EHD4: variants seen among roughly 807,000 people sequenced by gnomAD.
The protein encoded by EHD4 is EH domain-containing protein 4.
In EHD4, 37 loss-of-function variants were observed where a neutral mutation model predicts 51.0. The observed-to-expected ratio is 0.73, with a 90% CI of 0.56 to 0.95. The LOEUF is 0.95. EHD4 is among the 40% of genes least tolerant of loss of function. EHD4 has a pLI of 0.00. For synonymous variants in EHD4, 297 were observed against 317.3 expected, an observed-to-expected ratio of 0.94 and a Z score of 0.68; for missense variants, 632 against 733.1, an observed-to-expected ratio of 0.86 and a Z score of 1.59.
intron 3 of EHD4, among the ~76,000 whole-genome samples, chr15:41,924,036 C>A (rs968588396): frequency 1.3e-5 from 2 of 152,168 alleles, no homozygotes; most frequent in Non-Finnish European, 2.9e-5. Context: ...CCTGTAAGAT[C>A]GGGTTGTTGA....
chr15:41,962,360 G>A (rs1007467883), intron 1 of EHD4, among the ~76,000 whole-genome samples: 1 of 152,096 alleles, frequency 6.6e-6, no homozygotes, highest in African/African-American at 2.4e-5. Context: ...TTATTAAAAA[G>A]TATTTCAAAG....
intron 2 of EHD4, among the ~76,000 whole-genome samples, chr15:41,945,057 G>A (rs1052548272): frequency 1.3e-5 from 2 of 152,120 alleles, no homozygotes; most frequent in African/African-American, 4.8e-5. Flanking sequence ...CAGGGCTCTG[G>A]GCACATCCGT....
At chr15:41,917,622 G>T (rs2140987801) in intron 4 of EHD4, among the ~76,000 whole-genome samples, 1 of 152,314 alleles carries the variant, frequency 6.6e-6, no homozygotes, top group East Asian at 1.9e-4. Context: ...TTGTTCAGTT[G>T]TACCTGCTGG....
intron 2 of EHD4, among the ~76,000 whole-genome samples, chr15:41,945,659 G>A (rs1281797370): frequency 6.6e-6 from 1 of 152,220 alleles, no homozygotes; most frequent in Non-Finnish European, 1.5e-5. Flanking sequence ...GTGGTGCCAC[G>A]CTCATGCTGC....
chr15:41,962,900 C>G (rs567344890), intron 1 of EHD4, among the ~76,000 whole-genome samples: 1 of 152,334 alleles, frequency 6.6e-6, no homozygotes, highest in African/African-American at 2.4e-5. Context: ...GTTACTGTGT[C>G]TGTGTAGAAA....
chr15:41,953,747 A>T lies in EHD4; in HGVS notation c.413+17T>A, dbSNP rs779763740. ...TTTAAACAGCCTGACCGAAGATGGC[A>T]GCTTGCTGGTCCTTACCGATTCAGG... On this transcript the variant is annotated intron_variant, in intron 2 of 5. Transcript: ENST00000220325. 7 of 1,574,870 alleles carry T rather than the reference A, an allele frequency of 4.4e-6. No individual in the cohort carries two copies. Among genetic ancestry groups the T allele is most frequent in the Non-Finnish European group, 6.0e-6 (7 of 1,163,902 alleles).
intron 5 of EHD4, among the ~76,000 whole-genome samples, chr15:41,903,580 A>C (rs757371628): frequency 2.0e-5 from 3 of 152,120 alleles, no homozygotes; most frequent in Non-Finnish European, 2.9e-5. Context: ...CAGTTACAGA[A>C]TATTGAACTT....
intron 5 of EHD4, among the ~76,000 whole-genome samples, chr15:41,904,387 G>A (rs985545671): frequency 6.6e-6 from 1 of 152,020 alleles, no homozygotes. Flanking sequence ...CGGGGACTGC[G>A]GGGGCACCAG....
At chr15:41,956,070 G>A (rs770201787) in intron 1 of EHD4, among the ~76,000 whole-genome samples, 6 of 152,186 alleles carry the variant, frequency 3.9e-5, no homozygotes, top group East Asian at 1.9e-4. Context: ...CACACAGTTC[G>A]CAATTCACGA....
chr15:41,917,006 C>T (rs1191266901), intron 4 of EHD4, among the ~76,000 whole-genome samples: 3 of 152,196 alleles, frequency 2.0e-5, no homozygotes, highest in Admixed American at 6.5e-5. Context: ...ACCCAGGCCG[C>T]GCTGGCCCGT....
chr15:41,938,037 G>A (rs142353167), intron 3 of EHD4, among the ~76,000 whole-genome samples: 1 of 152,158 alleles, frequency 6.6e-6, no homozygotes, highest in African/African-American at 2.4e-5. Flanking sequence ...TGGCCTAAAG[G>A]TAATTTTACA....
At chr15:41,971,820 G>C (rs1425729995) in intron 1 of EHD4, among the ~76,000 whole-genome samples, 1 of 152,208 alleles carries the variant, frequency 6.6e-6, no homozygotes, top group South Asian at 2.1e-4. Flanking sequence ...CCATTCATTT[G>C]TTCAAGAAAT....
At chr15:41,913,887 G>C (rs2067565679) in intron 4 of EHD4, among the ~76,000 whole-genome samples, 1 of 152,196 alleles carries the variant, frequency 6.6e-6, no homozygotes, top group African/African-American at 2.4e-5. Context: ...GGGGATGACT[G>C]GGGGAAATCA....
At position 41,949,051 on chromosome 15, in the gene EHD4, T is replaced by TATATAC. The variant is rs1491135423; in HGVS notation, c.413+4712_413+4713insGTATAT. On this transcript the variant is annotated intron_variant, in intron 2 of 5. Coordinates refer to ENST00000220325, the MANE Select transcript of EHD4 (RefSeq NM_139265.4). The stretch of plus-strand genomic sequence containing the variant: ...ATATATATATATATATATATATATA[T>TATATAC]ACACACATACACACACACATACATA... 4.6e-3 allele frequency among the ~76,000 whole-genome samples: 506 copies of TATATAC among 109,302 alleles called. 3 individuals carry two copies. Among genetic ancestry groups the TATATAC allele is most frequent in the African/African-American group, 0.013 (365 of 27,098 alleles). 71.7% of individuals were successfully genotyped at this position (109,302 alleles called of 152,430 possible). A position where few individuals can be genotyped will look rare whatever the true frequency, so the allele number is the denominator to read the frequency against.
intron 5 of EHD4, among the ~76,000 whole-genome samples, chr15:41,901,978 G>C (rs2067480627): frequency 6.6e-6 from 1 of 152,220 alleles, no homozygotes; most frequent in Admixed American, 6.5e-5. Context: ...ACTTGTAAGA[G>C]CAGGGAGTAG....
At chr15:41,952,980 A>G (rs937712399) in intron 2 of EHD4, among the ~76,000 whole-genome samples, 12 of 119,632 alleles carry the variant, frequency 1.0e-4, no homozygotes, top group African/African-American at 3.3e-4. Context: ...ACAGAATGAG[A>G]CTCTATCTTC....
At chr15:41,946,870 T>C (rs896846971) in intron 2 of EHD4, among the ~76,000 whole-genome samples, 43 of 152,254 alleles carry the variant, frequency 2.8e-4, no homozygotes, top group Admixed American at 2.8e-3. Flanking sequence ...ACCTTAATAC[T>C]GATTTTGATT....
chr15:41,946,291 G>A (rs2067814014), intron 2 of EHD4, among the ~76,000 whole-genome samples: 1 of 152,170 alleles, frequency 6.6e-6, no homozygotes, highest in Non-Finnish European at 1.5e-5. Context: ...AGAAGACGGA[G>A]CAACTGAAGA....
Position 41,935,991 on chromosome 15 carries a change from T to C in EHD4, c.511+7076A>G, listed in dbSNP as rs569388339. ...TCCTTGTGACTAGCTTGGGCTTCCC[T>C]CACAGAATGGCCGTCTCAGTCACAG... On this transcript the variant is annotated intron_variant, in intron 3 of 5. Transcript: ENST00000220325. Among the ~76,000 whole-genome samples the C allele has an allele frequency of 2.6e-5, 4 of 152,344 alleles. No homozygotes were observed. The South Asian group carries it at 8.3e-4, about 32-fold the overall frequency.
Sources: allele counts gnomAD v4.1 joint callset (sites outside exome capture counted in the v4.1 genomes callset), GRCh38; gene constraint gnomAD v4.1.1; transcripts MANE v1.5; gene names NCBI Gene and HGNC (gene_info 2026-07-23, HGNC 2026-07-21).